RPS6KC1: variants seen among roughly 807,000 people sequenced by gnomAD.
The protein encoded by RPS6KC1 is ribosomal protein S6 kinase C1, also known as inactive ribosomal protein S6 kinase delta-1.
RPS6KC1 carries 54 observed loss-of-function variants against 103.8 expected under a neutral mutation model. That is an observed-to-expected ratio of 0.52 (90% CI 0.42 to 0.65). The LOEUF (loss-of-function observed/expected upper bound fraction) is 0.65. Among genes scored for constraint, RPS6KC1 ranks in the 30% least tolerant of loss-of-function variants. The pLI is 0.00. For synonymous variants in RPS6KC1, 439 were observed against 438.7 expected (o/e 1.00, Z -0.01); for missense variants, 1,151 against 1,253.8 (o/e 0.92, Z 1.24).
chr1:213,496,399 A>T, the RPS6KC1 span, among the ~76,000 whole-genome samples: 1 of 152,182 alleles, frequency 6.6e-6, no homozygotes, highest in Non-Finnish European at 1.5e-5. Flanking sequence ...GATGTAAACA[A>T]ACACAAAAAC....
the RPS6KC1 span, among the ~76,000 whole-genome samples, chr1:213,470,998 A>C: frequency 9.2e-5 from 14 of 152,142 alleles, no homozygotes; most frequent in African/African-American, 3.1e-4. Context: ...TAAATGCTTA[A>C]TTCTTTCCCT....
the RPS6KC1 span, among the ~76,000 whole-genome samples, chr1:213,830,470 C>T: frequency 2.0e-5 from 3 of 152,028 alleles, no homozygotes; most frequent in Non-Finnish European, 4.4e-5. Flanking sequence ...TTAGGTTTAG[C>T]CTCCAAGTGA....
the RPS6KC1 span, among the ~76,000 whole-genome samples, chr1:213,857,141 G>A: frequency 6.6e-6 from 1 of 152,172 alleles, no homozygotes; most frequent in Non-Finnish European, 1.5e-5. Flanking sequence ...CAAATTGATT[G>A]ACCCAAAGGA....
At chr1:213,319,424 GAAGA>G in the RPS6KC1 span, among the ~76,000 whole-genome samples, 3 of 151,566 alleles carry the variant, frequency 2.0e-5, no homozygotes, top group Admixed American at 2.0e-4. Context: ...GACAGCTTAA[GAAGA>G]GAATTACTTT....
the RPS6KC1 span, among the ~76,000 whole-genome samples, chr1:213,595,329 C>T: frequency 6.6e-6 from 1 of 152,124 alleles, no homozygotes; most frequent in South Asian, 2.1e-4. Context: ...AATGAATGAC[C>T]CATGTTGGGT....
At chr1:213,194,564 A>G (rs1248622903) in intron 8 of RPS6KC1, among the ~76,000 whole-genome samples, 1 of 152,154 alleles carries the variant, frequency 6.6e-6, no homozygotes, top group Non-Finnish European at 1.5e-5. Flanking sequence ...GTGTCACTCT[A>G]TCGCCTGTTA....
In RPS6KC1 at chr1:213,117,155, A is replaced by G. The variant is rs191225064; in HGVS notation, c.379-162A>G. ...GTACGTTTGTTACAGTCGATGAGAT[A>G]TACCTATTGTTTTTTTTTGAAAACA... On this transcript the variant is annotated intron_variant, in intron 4 of 14. Transcript: ENST00000366960. Among the ~76,000 whole-genome samples, 12 of 152,284 alleles carry G rather than the reference A, an allele frequency of 7.9e-5. No individual in the cohort carries two copies. In the East Asian group the frequency reaches 1.9e-3, roughly 24 times the overall value.
chr1:213,296,841 G>C, the RPS6KC1 span, among the ~76,000 whole-genome samples: 1 of 152,184 alleles, frequency 6.6e-6, no homozygotes, highest in Non-Finnish European at 1.5e-5. Flanking sequence ...GGGTCAGAGT[G>C]AACATTTTTA....
At chr1:213,316,928 GC>G in the RPS6KC1 span, among the ~76,000 whole-genome samples, 1 of 152,178 alleles carries the variant, frequency 6.6e-6, no homozygotes, top group Non-Finnish European at 1.5e-5. Flanking sequence ...CATGGCTGGG[GC>G]AGAGTGAGCC....
At chr1:213,547,443 T>C in the RPS6KC1 span, among the ~76,000 whole-genome samples, 1 of 152,216 alleles carries the variant, frequency 6.6e-6, no homozygotes, top group South Asian at 2.1e-4. Context: ...GCCACTATTT[T>C]GGAAAACCAT....
chr1:213,631,338 C>A, the RPS6KC1 span, among the ~76,000 whole-genome samples: 1 of 149,708 alleles, frequency 6.7e-6, no homozygotes, highest in African/African-American at 2.5e-5. Flanking sequence ...TGTTCCTATT[C>A]GGCCATCTTG....
chr1:213,676,067 T>C, the RPS6KC1 span, among the ~76,000 whole-genome samples: 55 of 152,356 alleles, frequency 3.6e-4, no homozygotes, highest in Non-Finnish European at 4.6e-4. Flanking sequence ...TCCAGCTATA[T>C]TGAAACACAT....
At chr1:213,477,379 G>T in the RPS6KC1 span, among the ~76,000 whole-genome samples, 1 of 146,718 alleles carries the variant, frequency 6.8e-6, no homozygotes, top group African/African-American at 2.6e-5. Context: ...TTCATCTATT[G>T]ATTTTTTTGA....
At chr1:213,483,450 T>C in the RPS6KC1 span, among the ~76,000 whole-genome samples, 4 of 152,226 alleles carry the variant, frequency 2.6e-5, no homozygotes, top group Admixed American at 2.0e-4. Context: ...GTTTTGGACA[T>C]AATAAAAATG....
the RPS6KC1 span, among the ~76,000 whole-genome samples, chr1:213,530,823 G>C: frequency 6.6e-6 from 1 of 152,240 alleles, no homozygotes; most frequent in African/African-American, 2.4e-5. Flanking sequence ...TGACCTGAGA[G>C]CCTGAAGGGC....
the RPS6KC1 span, among the ~76,000 whole-genome samples, chr1:213,530,512 A>G: frequency 7.9e-6 from 1 of 126,410 alleles, no homozygotes; most frequent in Non-Finnish European, 1.8e-5. Context: ...TAGTAGAGTC[A>G]GAGCAGCTAA....
the RPS6KC1 span, among the ~76,000 whole-genome samples, chr1:213,665,442 AAG>A: frequency 3.3e-5 from 5 of 152,088 alleles, no homozygotes; most frequent in Non-Finnish European, 7.4e-5. Context: ...TCATTAAAAA[AAG>A]AAATTAGAAT....
chr1:213,137,975 G>C (rs1027631951), intron 6 of RPS6KC1, among the ~76,000 whole-genome samples: 1 of 150,174 alleles, frequency 6.7e-6, no homozygotes, highest in African/African-American at 2.4e-5. Flanking sequence ...TGGTATCTTT[G>C]TTTCCTAGTG....
intron 6 of RPS6KC1, among the ~76,000 whole-genome samples, chr1:213,137,771 C>CTCTCTG (rs1486853639): frequency 3.0e-5 from 1 of 33,458 alleles, no homozygotes; most frequent in Non-Finnish European, 6.9e-5. Flanking sequence ...CTCTCTCTCT[C>CTCTCTG]TCTCTCTATA....
Sources: allele counts gnomAD v4.1 joint callset (sites outside exome capture counted in the v4.1 genomes callset), GRCh38; gene constraint gnomAD v4.1.1; transcripts MANE v1.5; gene names NCBI Gene and HGNC (gene_info 2026-07-23, HGNC 2026-07-21).